FGD4: variants seen among roughly 807,000 people sequenced by gnomAD.
The protein encoded by FGD4 is FYVE, RhoGEF and PH domain containing 4.
In FGD4, 42 loss-of-function variants were observed where a neutral mutation model predicts 102.0. The observed-to-expected ratio is 0.41, with a 90% CI of 0.32 to 0.53. The LOEUF (loss-of-function observed/expected upper bound fraction) is 0.53, where lower values mean the gene tolerates loss of function less well. Ranked by LOEUF, FGD4 falls within the 20% of genes least tolerant of loss-of-function variation. FGD4 has a pLI of 0.21. For synonymous variants in FGD4, 380 were observed against 375.7 expected (o/e 1.01, Z -0.13); for missense variants, 902 against 1,078.2 (o/e 0.84, Z 2.29).
intron 1 of FGD4, among the ~76,000 whole-genome samples, chr12:32,414,550 T>C (rs1435217887): frequency 6.6e-6 from 1 of 152,144 alleles, no homozygotes; most frequent in Non-Finnish European, 1.5e-5. Flanking sequence ...TTTTTTGTAC[T>C]CATTAATCAT....
At position 32,625,623 on chromosome 12, in the gene FGD4, T is replaced by C. The variant is rs1208659991; in HGVS notation, c.2047-31T>C. Reference sequence around the variant, plus strand: ...ATAAAAGGGAATTATAGTTTTTTTCTATTAAAATTGAATCTTTCTTCCCTT... The same window carrying C: ...ATAAAAGGGAATTATAGTTTTTTTCCATTAAAATTGAATCTTTCTTCCCTT... On this transcript the variant is annotated intron_variant, in intron 13 of 16. Transcript: ENST00000534526. The C allele has an allele frequency of 2.5e-6, 4 of 1,608,872 alleles. No individual in the cohort carries two copies. The Admixed American group carries it at 6.7e-5, about 27-fold the overall frequency.
At chr12:32,600,592 CTTTTTT>C in intron 5 of FGD4, 1 of 195,572 alleles carries the variant, frequency 5.1e-6, no homozygotes, top group Non-Finnish European at 8.1e-6. Context: ...TTCTTTCTTT[CTTTTTT>C]TTTTTTTTGT....
intron 4 of FGD4, among the ~76,000 whole-genome samples, chr12:32,588,729 AC>A (rs1378073859): frequency 3.9e-5 from 6 of 152,308 alleles, no homozygotes; most frequent in South Asian, 2.1e-4. Context: ...GAAAAAGCAA[AC>A]TTGGAGTGGG....
chr12:32,612,196 C>T (rs1037459881), intron 10 of FGD4, among the ~76,000 whole-genome samples: 3 of 152,232 alleles, frequency 2.0e-5, no homozygotes, highest in Non-Finnish European at 1.5e-5. Flanking sequence ...AAGCCACTTG[C>T]AGTACGCTTG....
chr12:32,519,046 C>T (rs1454306880), intron 1 of FGD4, among the ~76,000 whole-genome samples: 2 of 140,056 alleles, frequency 1.4e-5, no homozygotes, highest in African/African-American at 2.7e-5. Context: ...ACCAGGGAGG[C>T]AGAGGTTGCA....
chr12:32,611,050 A>T, intron 9 of FGD4, 87 bp from the exon 10 acceptor site: 1 of 1,520,714 alleles, frequency 6.6e-7, no homozygotes, highest in Non-Finnish European at 9.1e-7. Context: ...TCCCTTCTAA[A>T]TTTAGATTTT....
chr12:32,539,151 T>G (rs989140608), intron 1 of FGD4, among the ~76,000 whole-genome samples: 2 of 152,196 alleles, frequency 1.3e-5, no homozygotes, highest in Non-Finnish European at 2.9e-5. Context: ...TCTTCCTACA[T>G]TTAAGTCATT....
At chr12:32,406,818 C>T (rs1175248659) in intron 1 of FGD4, among the ~76,000 whole-genome samples, 1 of 151,406 alleles carries the variant, frequency 6.6e-6, no homozygotes, top group African/African-American at 2.4e-5. Flanking sequence ...TGTTTGTTTG[C>T]TTTTTGTTTT....
chr12:32,552,472 A>G (rs1439727338), intron 1 of FGD4, among the ~76,000 whole-genome samples: 1 of 141,824 alleles, frequency 7.1e-6, no homozygotes, highest in African/African-American at 2.6e-5. Context: ...AGTAGAGACA[A>G]TGTTTCACCA....
chr12:32,431,552 T>A (rs1167496914), intron 1 of FGD4, among the ~76,000 whole-genome samples: 1 of 152,202 alleles, frequency 6.6e-6, no homozygotes, highest in Non-Finnish European at 1.5e-5. Flanking sequence ...TTTAATAGTT[T>A]ATGTCTGCAT....
At chr12:32,604,437 A>G (rs1427155123) in intron 7 of FGD4, among the ~76,000 whole-genome samples, 3 of 151,972 alleles carry the variant, frequency 2.0e-5, no homozygotes, top group Non-Finnish European at 2.9e-5. Flanking sequence ...GATACTCCCA[A>G]TCTTTGTTCT....
chr12:32,524,524 T>A (rs200589390), intron 1 of FGD4, among the ~76,000 whole-genome samples: 13 of 134,486 alleles, frequency 9.7e-5, no homozygotes, highest in South Asian at 2.3e-4. Context: ...ATAATTCAAA[T>A]AAAAAAAAAA....
intron 11 of FGD4, 56 bp downstream of exon 11, chr12:32,619,926 A>G: frequency 6.3e-7 from 1 of 1,592,220 alleles, no homozygotes; most frequent in Non-Finnish European, 8.6e-7. Context: ...AGAATGAATC[A>G]TTAAAATAGA....
At chr12:32,458,356 T>C (rs1943003866) in intron 1 of FGD4, among the ~76,000 whole-genome samples, 1 of 152,070 alleles carries the variant, frequency 6.6e-6, no homozygotes, top group Admixed American at 6.6e-5. Flanking sequence ...TGTGTTTTTT[T>C]TGTAGAGACA....
rs1257738789 is a variant in FGD4, at chr12:32,539,904, T to C, written c.167-24233T>C. On this transcript the variant is annotated intron_variant, in intron 1 of 16. Coordinates refer to ENST00000534526, the MANE Select transcript of FGD4 (RefSeq NM_001370298.3). ...GAAAATAATTTTGTTATTTTATAAATGTGTAAGCCCCTTAATGTCTATCAG... is the reference window on the plus strand; with the variant it reads ...GAAAATAATTTTGTTATTTTATAAACGTGTAAGCCCCTTAATGTCTATCAG... Among the ~76,000 whole-genome samples, 4 of 152,216 alleles carry C rather than the reference T, an allele frequency of 2.6e-5. No homozygotes were observed. The South Asian group carries it at 6.2e-4, about 24-fold the overall frequency.
intron 1 of FGD4, among the ~76,000 whole-genome samples, chr12:32,438,086 T>C (rs1942294366): frequency 6.6e-6 from 1 of 152,192 alleles, no homozygotes; most frequent in African/African-American, 2.4e-5. Context: ...GAGACTGGGT[T>C]TCGCTGTGTT....
At position 32,633,608 on chromosome 12, in the gene FGD4, G is replaced by A. The variant is rs1359299696; in HGVS notation, c.2232G>A (p.Leu744=). 1.9e-6 allele frequency: 3 copies of A among 1,613,834 alleles called. No individual in the cohort carries two copies. Among genetic ancestry groups the A allele is most frequent in the Non-Finnish European group, 2.5e-6 (3 of 1,179,842 alleles). ...KAQLEYDGGK[L]SKVCKDCYQI... is the part of the protein sequence containing the mutation. ...AACTTGAATATGATGGTGGTAAATT[G>A]AGCAAAGTTTGTAAAGACTGTTATC... Residue 744 remains leucine, a synonymous_variant, in exon 15 of 17, where the codon TTG becomes TTA. Transcript: ENST00000534526.
chr12:32,470,724 G>A (rs984709994), intron 1 of FGD4, among the ~76,000 whole-genome samples: 1 of 152,128 alleles, frequency 6.6e-6, no homozygotes, highest in African/African-American at 2.4e-5. Flanking sequence ...AAAGTGCTGG[G>A]ATTACAGGCG....
At chr12:32,466,688 C>G (rs538197331) in intron 1 of FGD4, among the ~76,000 whole-genome samples, 1 of 151,816 alleles carries the variant, frequency 6.6e-6, no homozygotes, top group East Asian at 1.9e-4. Flanking sequence ...GCCAATATGG[C>G]GTAACCCTGT....
Sources: allele counts gnomAD v4.1 joint callset (sites outside exome capture counted in the v4.1 genomes callset), GRCh38; gene constraint gnomAD v4.1.1; transcripts MANE v1.5; gene names NCBI Gene and HGNC (gene_info 2026-07-23, HGNC 2026-07-21).